DCLK1: variants seen among roughly 807,000 people sequenced by gnomAD.
The protein encoded by DCLK1 is doublecortin like kinase 1.
Under a neutral mutation model 86.2 loss-of-function variants are expected in DCLK1, and 16 were observed. The observed-to-expected ratio is 0.19, with a 90% confidence interval of 0.13 to 0.28. The LOEUF is 0.28. Among genes scored for constraint, DCLK1 ranks in the 10% least tolerant of loss-of-function variants. The pLI, the probability that DCLK1 is intolerant of heterozygous loss-of-function variation, is 1.00. For missense variants in DCLK1, 590 were observed against 940.2 expected, an observed-to-expected ratio of 0.63 and a Z score of 4.87; for synonymous variants, 369 against 370.5, an observed-to-expected ratio of 1.00 and a Z score of 0.05.
intron 2 of DCLK1, 141 bp downstream of exon 2, chr13:36,125,621 A>T: frequency 7.9e-7 from 1 of 1,266,514 alleles, no homozygotes; most frequent in South Asian, 1.6e-5. Context: ...ACAATAGCAC[A>T]TTCGTATGTC....
At chr13:36,030,646 C>T (rs74044329) in intron 3 of DCLK1, among the ~76,000 whole-genome samples, 1 of 151,916 alleles carries the variant, frequency 6.6e-6, no homozygotes, top group Non-Finnish European at 1.5e-5. Flanking sequence ...AGTACTTGAC[C>T]ATTAGGGAAC....
intron 10 of DCLK1, among the ~76,000 whole-genome samples, chr13:35,824,704 C>T (rs985026982): frequency 6.6e-6 from 1 of 152,096 alleles, no homozygotes; most frequent in Non-Finnish European, 1.5e-5. Context: ...CACATTATGT[C>T]GCTATTTTCT....
At chr13:35,957,722 C>T (rs534655556) in intron 3 of DCLK1, among the ~76,000 whole-genome samples, 4 of 152,186 alleles carry the variant, frequency 2.6e-5, no homozygotes, top group South Asian at 2.1e-4. Flanking sequence ...GGTCACTTAA[C>T]GTTAAAGTAT....
chr13:36,118,140 A>T (rs1885858003), intron 2 of DCLK1, among the ~76,000 whole-genome samples: 1 of 152,232 alleles, frequency 6.6e-6, no homozygotes, highest in African/African-American at 2.4e-5. Context: ...ATAAAACCAC[A>T]TCAGGCAACA....
chr13:35,884,151 A>C (rs991574601), intron 4 of DCLK1, among the ~76,000 whole-genome samples: 3 of 152,192 alleles, frequency 2.0e-5, no homozygotes, highest in Non-Finnish European at 2.9e-5. Flanking sequence ...AAAATTACCA[A>C]GGGAAATCCA....
At chr13:35,832,640 C>T (rs1869047672) in intron 8 of DCLK1, among the ~76,000 whole-genome samples, 1 of 152,110 alleles carries the variant, frequency 6.6e-6, no homozygotes, top group African/African-American at 2.4e-5. Context: ...CCACCCTCAA[C>T]ACTAGCAAAA....
At chr13:36,007,884 G>C (rs1321287734) in intron 3 of DCLK1, among the ~76,000 whole-genome samples, 1 of 151,890 alleles carries the variant, frequency 6.6e-6, no homozygotes, top group Non-Finnish European at 1.5e-5. Flanking sequence ...AGTATATCTT[G>C]GATGATCTTT....
In DCLK1 at chr13:35,939,804, C is replaced by T. The variant is rs189834295; in HGVS notation, c.823+7554G>A. ...TACCATCCATCTCAAAGAAATCTGC[C>T]CACAGATGCAATGTAAACAGGCCTT... On this transcript the variant is annotated intron_variant, in intron 4 of 16. Transcript: ENST00000360631. 1.2e-4 allele frequency among the ~76,000 whole-genome samples: 19 copies of T among 152,250 alleles called. No homozygotes were observed. In the East Asian group the frequency reaches 3.5e-3, roughly 28 times the overall value.
Position 35,774,302 on chromosome 13 carries a change from G to C in DCLK1, c.*233C>G, listed in dbSNP as rs1246173501. On this transcript the variant is annotated 3_prime_UTR_variant, in exon 17 of 17. Transcript: ENST00000360631. ...AAGTTTAAAAAAAAATTGCAAATTG[G>C]CCTTAACCCTTTGAGGACTCTATTA... 4 of 514,878 alleles carry C rather than the reference G, an allele frequency of 7.8e-6. No individual in the cohort carries two copies. The highest frequency in any genetic ancestry group is 1.3e-5 in the Non-Finnish European group (4 of 301,670). 31.9% of individuals were successfully genotyped at this position (514,878 alleles called of 1,614,324 possible).
chr13:36,129,537 G>C (rs1886296167), intron 1 of DCLK1, among the ~76,000 whole-genome samples: 1 of 152,182 alleles, frequency 6.6e-6, no homozygotes, highest in Non-Finnish European at 1.5e-5. Flanking sequence ...CTAGTGTGCT[G>C]GTAATTATTC....
chr13:36,059,363 T>A (rs1883454026), intron 3 of DCLK1, among the ~76,000 whole-genome samples: 1 of 152,136 alleles, frequency 6.6e-6, no homozygotes, highest in Admixed American at 6.5e-5. Context: ...CATGGAGAAA[T>A]ATTAATGCTA....
intron 3 of DCLK1, among the ~76,000 whole-genome samples, chr13:35,972,385 T>C (rs981412159): frequency 2.6e-5 from 4 of 152,176 alleles, no homozygotes; most frequent in African/African-American, 9.7e-5. Flanking sequence ...GACTGCTTAC[T>C]AAGTGCTCAG....
At chr13:35,937,297 A>C (rs568816485) in intron 4 of DCLK1, among the ~76,000 whole-genome samples, 31 of 152,080 alleles carry the variant, frequency 2.0e-4, no homozygotes, top group Non-Finnish European at 2.5e-4. Context: ...TTAAAATCAC[A>C]GTTCTTGGCC....
chr13:35,828,253 G>T lies in DCLK1; in HGVS notation c.1284C>A (p.Gly428=). Residue 428 remains glycine (G), a synonymous_variant, in exon 9 of 17, where the codon GGC becomes GGA. Transcript: ENST00000360631. ...LKIIKKSKCR[G]KEHMIQNEVS... Reference sequence around the variant, plus strand: ...TAAGAACAAATTTTATACATACTTTGCCTCGACATTTGCTTTTCTTGATAA... The same window carrying T: ...TAAGAACAAATTTTATACATACTTTTCCTCGACATTTGCTTTTCTTGATAA... 1.2e-6 allele frequency: 2 copies of T among 1,609,696 alleles called. No homozygotes were observed. Among genetic ancestry groups the T allele is most frequent in the Non-Finnish European group, 8.5e-7 (1 of 1,178,460 alleles).
At chr13:35,995,794 T>C (rs1880443609) in intron 3 of DCLK1, among the ~76,000 whole-genome samples, 1 of 152,214 alleles carries the variant, frequency 6.6e-6, no homozygotes, top group African/African-American at 2.4e-5. Flanking sequence ...TAAATCTTTG[T>C]TTCCTGGCTG....
intron 3 of DCLK1, among the ~76,000 whole-genome samples, chr13:35,982,385 G>GAAAGA (rs1161350092): frequency 7.6e-5 from 10 of 131,230 alleles, no homozygotes; most frequent in East Asian, 2.6e-4. Context: ...TATTTCAAGA[G>GAAAGA]AAAGAAAAGA....
intron 3 of DCLK1, among the ~76,000 whole-genome samples, chr13:36,111,451 A>G (rs1214311995): frequency 2.6e-5 from 4 of 152,236 alleles, no homozygotes; most frequent in African/African-American, 9.6e-5. Flanking sequence ...CGAACACTAC[A>G]AAGACTTAAA....
intron 4 of DCLK1, among the ~76,000 whole-genome samples, chr13:35,891,455 T>C (rs1375390895): frequency 1.3e-5 from 2 of 152,196 alleles, no homozygotes; most frequent in Non-Finnish European, 2.9e-5. Context: ...GGATGTTTCT[T>C]TTTCTCTTTG....
chr13:36,045,377 T>TATATCTATCTATATATAC (rs568110221), intron 3 of DCLK1, among the ~76,000 whole-genome samples: 2 of 125,078 alleles, frequency 1.6e-5, no homozygotes, highest in African/African-American at 5.7e-5. Context: ...TATATATATA[T>TATATCTATCTATATATAC]TTCAAGGTAA....
Sources: gnomAD v4.1 joint callset for allele counts (sites outside exome capture counted in the v4.1 genomes callset) on GRCh38, gnomAD v4.1.1 for gene constraint, MANE v1.5 for transcripts, NCBI Gene and HGNC (gene_info 2026-07-23, HGNC 2026-07-21) for gene names.